The following CCDC192 variants were observed in gnomAD, a reference collection of about 807,000 sequenced individuals.
The protein encoded by CCDC192 is coiled-coil domain containing 192.
chr5:127,737,169 G>T (rs995700903), intron 2 of CCDC192, among the ~76,000 whole-genome samples: 1 of 151,870 alleles, frequency 6.6e-6, no homozygotes, highest in Non-Finnish European at 1.5e-5. Context: ...CTTCATTTCT[G>T]CCTTCATTTC....
intron 5 of CCDC192, among the ~76,000 whole-genome samples, chr5:127,802,344 A>T (rs1447458503): frequency 6.6e-6 from 1 of 152,136 alleles, no homozygotes. Flanking sequence ...TTGCTTGTCC[A>T]TTATCCCAGA....
chr5:127,773,508 T>G (rs935151340), intron 3 of CCDC192, among the ~76,000 whole-genome samples: 5 of 152,230 alleles, frequency 3.3e-5, no homozygotes, highest in African/African-American at 4.8e-5. Context: ...TTCTGGATAT[T>G]TCAGATGAAA....
intron 2 of CCDC192, among the ~76,000 whole-genome samples, chr5:127,728,976 G>A (rs764148645): frequency 6.6e-6 from 1 of 151,852 alleles, no homozygotes; most frequent in Admixed American, 6.6e-5. Context: ...GCATGATCTC[G>A]GCTCACTGCA....
chr5:127,827,385 A>G (rs1262094568), intron 5 of CCDC192, among the ~76,000 whole-genome samples: 1 of 152,220 alleles, frequency 6.6e-6, no homozygotes, highest in South Asian at 2.1e-4. Context: ...CTTGGGCCAC[A>G]CAAAATATCC....
intron 5 of CCDC192, among the ~76,000 whole-genome samples, chr5:127,835,591 G>A (rs1185608763): frequency 6.6e-6 from 1 of 152,164 alleles, no homozygotes; most frequent in Non-Finnish European, 1.5e-5. Context: ...AAAGGAAAGA[G>A]GTTTAATTGA....
chr5:127,847,904 C>G (rs1411164333), intron 5 of CCDC192, among the ~76,000 whole-genome samples: 1 of 152,054 alleles, frequency 6.6e-6, no homozygotes, highest in Non-Finnish European at 1.5e-5. Flanking sequence ...TCAAGCGATT[C>G]TACTGCCTCA....
chr5:127,768,613 A>G (rs1030561832), intron 3 of CCDC192, among the ~76,000 whole-genome samples: 1 of 152,234 alleles, frequency 6.6e-6, no homozygotes, highest in African/African-American at 2.4e-5. Context: ...CAGCCATAGC[A>G]GACAAATACA....
At chr5:127,816,507 G>T (rs1749033710) in intron 5 of CCDC192, among the ~76,000 whole-genome samples, 1 of 152,172 alleles carries the variant, frequency 6.6e-6, no homozygotes, top group African/African-American at 2.4e-5. Context: ...CTCCAGGAGA[G>T]CCAGAGAACC....
At chr5:127,825,288 C>G (rs1433810014) in intron 5 of CCDC192, among the ~76,000 whole-genome samples, 1 of 152,190 alleles carries the variant, frequency 6.6e-6, no homozygotes, top group African/African-American at 2.4e-5. Flanking sequence ...TGGTATCTGT[C>G]TTAGATCATC....
intron 5 of CCDC192, chr5:127,857,943 A>C (rs544915360): frequency 1.3e-5 from 2 of 152,660 alleles, no homozygotes; most frequent in Admixed American, 6.5e-5. Context: ...TGTTTGACCA[A>C]ACAACTGGGC....
At chr5:127,914,694 C>T (rs1267378128) in intron 6 of CCDC192, among the ~76,000 whole-genome samples, 1 of 152,124 alleles carries the variant, frequency 6.6e-6, no homozygotes, top group Non-Finnish European at 1.5e-5. Context: ...AGGGTACAGT[C>T]AATAATAACA....
chr5:127,891,507 C>T (rs1247443672), intron 6 of CCDC192, among the ~76,000 whole-genome samples: 2 of 152,204 alleles, frequency 1.3e-5, no homozygotes, highest in African/African-American at 4.8e-5. Flanking sequence ...GTCCCTCCTC[C>T]CATTTAAGGT....
intron 3 of CCDC192, among the ~76,000 whole-genome samples, chr5:127,775,386 A>G (rs1307417642): frequency 2.6e-5 from 4 of 152,178 alleles, no homozygotes; most frequent in Non-Finnish European, 4.4e-5. Flanking sequence ...ATGCTTGCCT[A>G]TCTTGACTTA....
chr5:127,829,435 G>C (rs1302132396), intron 5 of CCDC192, among the ~76,000 whole-genome samples: 1 of 152,030 alleles, frequency 6.6e-6, no homozygotes, highest in Middle Eastern at 3.2e-3. Context: ...TCCCACCTTT[G>C]TCTTTCAAAT....
At chr5:127,921,341 AAAT>A (rs143440027) in intron 6 of CCDC192, among the ~76,000 whole-genome samples, 10,804 of 152,092 alleles carry the variant, frequency 0.071, 873 homozygotes, top group East Asian at 0.32. Context: ...TTAGTATACT[AAAT>A]AAACCACTCC....
chr5:127,759,350 G>A (rs1488540185), intron 3 of CCDC192, among the ~76,000 whole-genome samples: 1 of 152,152 alleles, frequency 6.6e-6, no homozygotes, highest in Non-Finnish European at 1.5e-5. Flanking sequence ...GATCTTTGGT[G>A]GATGATAAGT....
chr5:127,767,975 AG>A (rs990122543), intron 3 of CCDC192, among the ~76,000 whole-genome samples: 26 of 152,126 alleles, frequency 1.7e-4, no homozygotes, highest in Non-Finnish European at 3.7e-4. Context: ...TAAGGTCGGC[AG>A]GGTGTGGTGG....
intron 6 of CCDC192, among the ~76,000 whole-genome samples, chr5:127,876,940 T>G (rs980945841): frequency 1.3e-5 from 2 of 152,228 alleles, no homozygotes; most frequent in Non-Finnish European, 2.9e-5. Context: ...GTAAATTTGC[T>G]TTTACCACCA....
chr5:127,709,977 A>T (rs1751228411), intron 2 of CCDC192, among the ~76,000 whole-genome samples: 1 of 152,164 alleles, frequency 6.6e-6, no homozygotes, highest in South Asian at 2.1e-4. Flanking sequence ...ATCTACACTG[A>T]AAAGGACAAG....
Sources: gnomAD v4.1 joint callset for allele counts (sites outside exome capture counted in the v4.1 genomes callset) on GRCh38, gnomAD v4.1.1 for gene constraint, MANE v1.5 for transcripts, NCBI Gene and HGNC (gene_info 2026-07-23, HGNC 2026-07-21) for gene names.